C10orf88: variants seen among roughly 807,000 people sequenced by gnomAD.
C10orf88 encodes the protein chromosome 10 open reading frame 88, also known as ATPase PAAT.
C10orf88 carries 29 observed loss-of-function variants against 34.2 expected under a neutral mutation model. The ratio of observed to expected loss-of-function variants is 0.85; its 90% CI spans 0.63 to 1.16. The LOEUF (loss-of-function observed/expected upper bound fraction) is 1.16. Ranked by LOEUF, C10orf88 falls within the 50% of genes most tolerant of loss-of-function variation. The pLI, the probability that C10orf88 is intolerant of heterozygous loss-of-function variation, is 0.00. For synonymous variants in C10orf88, 194 were observed against 197.4 expected, an observed-to-expected ratio of 0.98 and a Z score of 0.15; for missense variants, 507 against 533.2, an observed-to-expected ratio of 0.95 and a Z score of 0.48.
chr10:122,951,718 G>C (rs1486524792), intron 3 of C10orf88, among the ~76,000 whole-genome samples: 1 of 152,094 alleles, frequency 6.6e-6, no homozygotes, highest in Non-Finnish European at 1.5e-5. Flanking sequence ...TGTAGTCCCA[G>C]CTACTTGGGA....
At chr10:122,939,795 A>G (rs1435964530) in intron 4 of C10orf88, among the ~76,000 whole-genome samples, 1 of 151,980 alleles carries the variant, frequency 6.6e-6, no homozygotes, top group Non-Finnish European at 1.5e-5. Context: ...TTTACACTAC[A>G]GTCAATGTCA....
At chr10:122,953,872 G>T in intron 1 of C10orf88, 143 bp downstream of exon 1, 1 of 113,840 alleles carries the variant, frequency 8.8e-6, no homozygotes, top group Non-Finnish European at 1.1e-5. Flanking sequence ...GGACGACCTC[G>T]CAGCTCCCCT....
In C10orf88 at chr10:122,938,141, C is replaced by T. The variant is rs746235322; in HGVS notation, c.667G>A (p.Glu223Lys). 1.9e-6 allele frequency: 3 copies of T among 1,600,380 alleles called. No homozygotes were observed. Among genetic ancestry groups the T allele is most frequent in the Admixed American group, 1.7e-5 (1 of 58,298 alleles). ...CQQRNCIPIG[E>K]QLQSVLGNSG... ...TTGCCCAACACCGACTGAAGCTGCT[C>T]TCCAATGGGAATACAATTCTAAACA... is the stretch of plus-strand genomic sequence containing the variant. The change falls in exon 5 of 6, where the codon GAG becomes AAG. Residue 223 changes from glutamate to lysine, a missense_variant. Coordinates refer to ENST00000481909, the MANE Select transcript of C10orf88 (RefSeq NM_024942.4).
intron 5 of C10orf88, among the ~76,000 whole-genome samples, chr10:122,933,829 AT>A (rs1848508322): frequency 6.6e-6 from 1 of 152,242 alleles, no homozygotes; most frequent in Non-Finnish European, 1.5e-5. Context: ...AAAAGCTATT[AT>A]GTATAGATTC....
intron 1 of C10orf88, among the ~76,000 whole-genome samples, chr10:122,953,240 G>A (rs1848709913): frequency 1.3e-5 from 2 of 152,180 alleles, no homozygotes; most frequent in South Asian, 4.1e-4. Context: ...ACCGCGCCCG[G>A]CTAATTTTTT....
intron 4 of C10orf88, among the ~76,000 whole-genome samples, chr10:122,945,607 T>C (rs1848632008): frequency 6.6e-6 from 1 of 152,020 alleles, no homozygotes; most frequent in East Asian, 1.9e-4. Context: ...TAGGGTAATG[T>C]GTATGTTTGT....
chr10:122,951,655 G>A (rs1240165233), intron 3 of C10orf88, among the ~76,000 whole-genome samples: 1 of 152,014 alleles, frequency 6.6e-6, no homozygotes, highest in Non-Finnish European at 1.5e-5. Flanking sequence ...GTATTTCTGA[G>A]CCTCATCTCT....
intron 4 of C10orf88, among the ~76,000 whole-genome samples, chr10:122,942,122 A>C (rs1848589865): frequency 1.3e-5 from 2 of 152,162 alleles, no homozygotes; most frequent in African/African-American, 2.4e-5. Context: ...TCCTAGTGTC[A>C]AGATTTTAAA....
chr10:122,931,230 A>G lies in C10orf88; in HGVS notation c.*1197T>C, dbSNP rs1848482691. The G allele has an allele frequency of 6.6e-6, 1 of 152,128 alleles. No individual in the cohort carries two copies. Among genetic ancestry groups the G allele is most frequent in the East Asian group, 1.9e-4 (1 of 5,188 alleles). 9.4% of individuals were successfully genotyped at this position (152,128 alleles called of 1,614,324 possible). On this transcript the variant is annotated 3_prime_UTR_variant, in exon 6 of 6. Transcript: ENST00000481909. ...ATTATAAAAAGGCTGAGGTCTTTTT[A>G]AAGTCGTTTGGTCAGCTATCGTGGT...
rs1320980596 is a variant in C10orf88, at chr10:122,951,966, A to G, written c.429T>C (p.Ala143=). The part of the protein sequence containing the change: ...KNLKLESSTH[A]CKIKLLSFGE... ...ACTGACAACTTACCTTTATTTTACA[A>G]GCATGTGTGGAGGACTCCAATTTTA... Residue 143 remains alanine, a synonymous_variant, in exon 3 of 6, where the codon GCT becomes GCC. Coordinates refer to ENST00000481909, the MANE Select transcript of C10orf88 (RefSeq NM_024942.4). The G allele has an allele frequency of 1.2e-5, 19 of 1,546,094 alleles. No homozygotes were observed. The East Asian group carries it at 3.8e-4, about 31-fold the overall frequency.
intron 4 of C10orf88, among the ~76,000 whole-genome samples, chr10:122,939,864 G>A (rs1359642858): frequency 6.6e-6 from 1 of 151,796 alleles, no homozygotes; most frequent in African/African-American, 2.4e-5. Context: ...TAAATGTAAA[G>A]GTATTTGCTA....
At position 122,932,211 on chromosome 10, in the gene C10orf88, C is replaced by A. The variant is rs572108373; in HGVS notation, c.*216G>T. On this transcript the variant is annotated 3_prime_UTR_variant, in exon 6 of 6. Coordinates refer to ENST00000481909, the MANE Select transcript of C10orf88 (RefSeq NM_024942.4). ...ACATTTCTGTAAGACTGAAAAATAT[C>A]GTGAGCAAAAATAATTTGACTGTAT... 4 of 416,368 alleles carry A rather than the reference C, an allele frequency of 9.6e-6. No homozygotes were observed. In the South Asian group the frequency reaches 2.7e-4, roughly 28 times the overall value. The allele number at this position is 416,368 out of a possible 1,614,324, so 25.8% of individuals were successfully genotyped here.
chr10:122,939,912 A>G (rs940154940), intron 4 of C10orf88, among the ~76,000 whole-genome samples: 1 of 152,010 alleles, frequency 6.6e-6, no homozygotes, highest in African/African-American at 2.4e-5. Context: ...TATTCTGTTT[A>G]TAAGAATTCA....
chr10:122,943,687 AAAC>A (rs1242653293), intron 4 of C10orf88, among the ~76,000 whole-genome samples: 8 of 152,120 alleles, frequency 5.3e-5, no homozygotes, highest in Admixed American at 1.3e-4. Context: ...AGAAAAAAAC[AAAC>A]AACCCCATCA....
chr10:122,948,804 G>T lies in C10orf88; in HGVS notation c.493C>A (p.His165Asn). 2 of 1,613,658 alleles carry T rather than the reference G, an allele frequency of 1.2e-6. No homozygotes were observed. The highest frequency in any genetic ancestry group is 1.7e-6 in the Non-Finnish European group (2 of 1,179,878). The change falls in exon 4 of 6, where the codon CAC (histidine) becomes AAC (asparagine). Residue 165 changes from histidine (H) to asparagine (N), a missense_variant. Physicochemically the swap from His to Asn is moderately conservative, Grantham distance 68. Coordinates refer to ENST00000481909, the MANE Select transcript of C10orf88 (RefSeq NM_024942.4). ...QCVFISKVVV[H>N]MRSVFANSST... is the part of the protein sequence containing the mutation. ...GAATTTGCAAAAACTGATCTCATGTGTACCACAACTTTACTGATGAACACA... is the reference window on the plus strand; with the variant it reads ...GAATTTGCAAAAACTGATCTCATGTTTACCACAACTTTACTGATGAACACA...
chr10:122,943,134 C>T (rs1227345111), intron 4 of C10orf88, among the ~76,000 whole-genome samples: 122 of 150,346 alleles, frequency 8.1e-4, no homozygotes, highest in African/African-American at 2.7e-3. Context: ...TACTACAAGG[C>T]TACAGTAACC....
At position 122,932,492 on chromosome 10, in the gene C10orf88, G is replaced by A. The variant is rs1848492591; in HGVS notation, c.1273C>T (p.Pro425Ser). 2 of 1,613,882 alleles carry A rather than the reference G, an allele frequency of 1.2e-6. No individual in the cohort carries two copies. The highest frequency in any genetic ancestry group is 1.7e-5 in the Admixed American group (1 of 59,978). Residue 425 changes from proline (P) to serine (S), a missense_variant, in exon 6 of 6, where the codon CCG becomes TCG. Physicochemically the swap from Pro to Ser is moderately conservative, Grantham distance 74. Transcript: ENST00000481909. ...TGTCTTAGAGGTATCCCAGTGGGCG[G>A]GGAGTTAGGATTTTGCAGCAAATCC... ...LLDLLQNPNSPPTGIPLRHYD... is the reference protein window; with the variant it reads ...LLDLLQNPNSSPTGIPLRHYD...
At chr10:122,949,787 A>G (rs1052356850) in intron 3 of C10orf88, among the ~76,000 whole-genome samples, 8 of 152,224 alleles carry the variant, frequency 5.3e-5, no homozygotes, top group Non-Finnish European at 1.2e-4. Context: ...TACTTAACAC[A>G]AAATAAGTCT....
At chr10:122,936,320 C>G (rs935273657) in intron 5 of C10orf88, among the ~76,000 whole-genome samples, 1 of 151,692 alleles carries the variant, frequency 6.6e-6, no homozygotes, top group Non-Finnish European at 1.5e-5. Flanking sequence ...CATTACATTC[C>G]GGATACTGAT....
Sources: allele counts gnomAD v4.1 joint callset (sites outside exome capture counted in the v4.1 genomes callset), GRCh38; gene constraint gnomAD v4.1.1; transcripts MANE v1.5; gene names NCBI Gene and HGNC (gene_info 2026-07-23, HGNC 2026-07-21).